The following CSMD2 variants were observed in gnomAD, a reference collection of about 807,000 sequenced individuals.
CSMD2 encodes CUB and Sushi multiple domains 2, also known as CUB and sushi domain-containing protein 2.
CSMD2 carries 130 observed loss-of-function variants against 398.5 expected under a neutral mutation model. The ratio of observed to expected loss-of-function variants is 0.33; its 90% CI spans 0.28 to 0.38. The LOEUF (loss-of-function observed/expected upper bound fraction) is 0.38, where lower values mean the gene tolerates loss of function less well. Ranked by LOEUF, CSMD2 falls within the 10% of genes least tolerant of loss-of-function variation. The pLI is 1.00. For synonymous variants in CSMD2, 1,828 were observed against 1,908.5 expected, an observed-to-expected ratio of 0.96 and a Z score of 1.10; for missense variants, 3,829 against 4,764.9, an observed-to-expected ratio of 0.80 and a Z score of 5.78.
rs557567306 is a variant in CSMD2, at chr1:33,828,521, G to C, written c.1034-2747C>G. On this transcript the variant is annotated intron_variant, in intron 6 of 70. Transcript: ENST00000373381. ...CATCGTCTCCTTGTCTCTGGCTCTAGTGTTGCTAGAGGAAGGGGAATGAGG... is the reference window on the plus strand; with the variant it reads ...CATCGTCTCCTTGTCTCTGGCTCTACTGTTGCTAGAGGAAGGGGAATGAGG... 2.0e-5 allele frequency among the ~76,000 whole-genome samples: 3 copies of C among 152,316 alleles called. No homozygotes were observed. The South Asian group carries it at 6.2e-4, about 32-fold the overall frequency.
Position 33,819,792 on chromosome 1 carries a change from C to G in CSMD2, c.1245G>C (p.Leu415=). 4 of 1,614,068 alleles carry G rather than the reference C, an allele frequency of 2.5e-6. No homozygotes were observed. In the South Asian group the frequency reaches 4.4e-5, roughly 18 times the overall value. Residue 415 remains leucine (L), a synonymous_variant, in exon 9 of 71, where the codon CTG becomes CTC. Transcript: ENST00000373381. ...VQFTCNEGYD[L]QGSKRITCMK... ...TACAGGTGATCCGCTTGGACCCTTG[C>G]AGGTCATAGCCCTCGTTGCAGGTGA...
At chr1:33,830,461 G>C (rs1217276362) in intron 6 of CSMD2, among the ~76,000 whole-genome samples, 2 of 152,226 alleles carry the variant, frequency 1.3e-5, no homozygotes, top group Non-Finnish European at 2.9e-5. Flanking sequence ...CTGTCTGTTA[G>C]AAGGAAAACT....
At chr1:33,869,404 T>C (rs576102849) in intron 5 of CSMD2, 1 of 152,198 alleles carries the variant, frequency 6.6e-6, no homozygotes. Context: ...CTCTGGGATA[T>C]GTTTTCTCAG....
intron 5 of CSMD2, among the ~76,000 whole-genome samples, chr1:33,872,460 T>C (rs1395557446): frequency 6.6e-6 from 1 of 152,128 alleles, no homozygotes; most frequent in Non-Finnish European, 1.5e-5. Flanking sequence ...TATTCAGTCA[T>C]ACAAAGGCCC....
intron 3 of CSMD2, among the ~76,000 whole-genome samples, chr1:34,013,127 G>A (rs1647592761): frequency 1.3e-5 from 2 of 152,204 alleles, no homozygotes; most frequent in Admixed American, 1.3e-4. Flanking sequence ...GGGAGCTGAG[G>A]GCAGTTCAGC....
At position 33,546,141 on chromosome 1, in the gene CSMD2, G is replaced by C. The variant is rs1319045660; in HGVS notation, c.8996C>G (p.Thr2999Ser). 3 of 1,614,220 alleles carry C rather than the reference G, an allele frequency of 1.9e-6. No individual in the cohort carries two copies. In the South Asian group the frequency reaches 3.3e-5, roughly 18 times the overall value. ...IRLGDSFDPG[T>S]VMRFSCEAGH... is the part of the protein sequence containing the mutation. ...AGCTTCACAGCTGAAGCGCATCACA[G>C]TGCCTGGATCAAAGCTGTCCCCCAA... Residue 2999 changes from threonine (T) to serine (S), a missense_variant, in exon 57 of 71, where the codon ACT (threonine) becomes AGT (serine). Thr to Ser is a moderately conservative substitution (Grantham distance 58). Around this residue, in one of 5 missense-constraint regions of CSMD2, gnomAD observed 917 missense variants for 1,199.5 expected, o/e 0.76. Transcript: ENST00000373381.
At chr1:33,783,225 T>G (rs531993218) in intron 12 of CSMD2, among the ~76,000 whole-genome samples, 1 of 151,996 alleles carries the variant, frequency 6.6e-6, no homozygotes, top group African/African-American at 2.4e-5. Flanking sequence ...ATGGCGAGCT[T>G]GGTTTTGGAT....
chr1:34,124,727 C>A (rs1460086528), intron 1 of CSMD2, among the ~76,000 whole-genome samples: 11 of 152,180 alleles, frequency 7.2e-5, no homozygotes, highest in African/African-American at 2.7e-4. Flanking sequence ...GTCAGGAACA[C>A]AACAGAACTG....
rs144423271 is a variant in CSMD2, at chr1:34,067,861, C to G, written c.404+21116G>C. 1.2e-4 allele frequency among the ~76,000 whole-genome samples: 18 copies of G among 152,298 alleles called. No homozygotes were observed. In the East Asian group the frequency reaches 3.3e-3, roughly 28 times the overall value. On this transcript the variant is annotated intron_variant, in intron 2 of 70. Coordinates refer to ENST00000373381, the MANE Select transcript of CSMD2 (RefSeq NM_001281956.2). ...CTGCACACGTACCTCCCTTCTGGCT[C>G]CCACTTACAATATGTGATGCAAGAA...
chr1:33,970,036 G>T (rs3738344), intron 3 of CSMD2, among the ~76,000 whole-genome samples: 7,816 of 151,656 alleles, frequency 0.052, 306 homozygotes, highest in East Asian at 0.18. Context: ...AACCTGGGAG[G>T]CGGAGGTTGC....
intron 56 of CSMD2, among the ~76,000 whole-genome samples, chr1:33,548,250 C>A (rs933954308): frequency 4.6e-5 from 7 of 152,274 alleles, no homozygotes; most frequent in Non-Finnish European, 2.9e-5. Flanking sequence ...GGTGTTCAGT[C>A]CTAGGGGCTT....
intron 20 of CSMD2, among the ~76,000 whole-genome samples, chr1:33,715,322 A>T (rs545418997): frequency 6.6e-6 from 1 of 152,134 alleles, no homozygotes; most frequent in South Asian, 2.1e-4. Context: ...ACGAGAAGCC[A>T]TGTCTCAGCT....
At position 33,918,091 on chromosome 1, in the gene CSMD2, T is replaced by C. The variant is rs1292054472; in HGVS notation, c.920+3A>G. ...TAGGAAAGGAAGGTGATGTTGTGCTTACCAGAGGGAGGAGCCTTCTGTCCC... is the reference window on the plus strand; with the variant it reads ...TAGGAAAGGAAGGTGATGTTGTGCTCACCAGAGGGAGGAGCCTTCTGTCCC... On this transcript the variant is annotated splice_donor_region_variant and intron_variant, in intron 5 of 70. Transcript: ENST00000373381. 6.2e-7 allele frequency: 1 copy of C among 1,613,128 alleles called. No individual in the cohort carries two copies. The highest frequency in any genetic ancestry group is 1.1e-5 in the South Asian group (1 of 91,056).
At position 33,613,354 on chromosome 1, in the gene CSMD2, T is replaced by C. The variant is rs529419562; in HGVS notation, c.6133+1150A>G. ...TATCATCTTGGTTCTGCCTCAAGACTGGATGCAGAGGTACAGGGTCTCCCA... is the reference window on the plus strand; with the variant it reads ...TATCATCTTGGTTCTGCCTCAAGACCGGATGCAGAGGTACAGGGTCTCCCA... On this transcript the variant is annotated intron_variant, in intron 40 of 70. Coordinates refer to ENST00000373381, the MANE Select transcript of CSMD2 (RefSeq NM_001281956.2). Among the ~76,000 whole-genome samples, 5 of 152,320 alleles carry C rather than the reference T, an allele frequency of 3.3e-5. No individual in the cohort carries two copies. The East Asian group carries it at 9.7e-4, about 29-fold the overall frequency.
In CSMD2 at chr1:33,624,020, C is replaced by T. The variant is rs1405379911; in HGVS notation, c.5625+499G>A. Among the ~76,000 whole-genome samples the T allele has an allele frequency of 1.3e-5, 2 of 152,208 alleles. No individual in the cohort carries two copies. Among genetic ancestry groups the T allele is most frequent in the African/African-American group, 4.8e-5 (2 of 41,444 alleles). On this transcript the variant is annotated intron_variant, in intron 35 of 70. Transcript: ENST00000373381. The surrounding 1 kb of genome is among the most constrained non-coding windows in gnomAD (Gnocchi z 4.7). ...TTCAGCTTCTACAGCTCATGCTGTG[C>T]GTGGTTCCCTAGGTGTGTGCCTGGG...
chr1:33,865,192 C>T (rs1468077467), intron 5 of CSMD2, among the ~76,000 whole-genome samples: 1 of 151,504 alleles, frequency 6.6e-6, no homozygotes, highest in Non-Finnish European at 1.5e-5. Flanking sequence ...CTCTGCTAAG[C>T]AGTGGCAGGA....
chr1:33,707,177 C>T (rs1645815792), intron 22 of CSMD2, among the ~76,000 whole-genome samples: 1 of 152,190 alleles, frequency 6.6e-6, no homozygotes, highest in Admixed American at 6.5e-5. Flanking sequence ...CTCCATATGA[C>T]CTCCAGCAAC....
At chr1:34,110,622 T>C (rs1003902323) in intron 1 of CSMD2, among the ~76,000 whole-genome samples, 1 of 152,050 alleles carries the variant, frequency 6.6e-6, no homozygotes, top group Non-Finnish European at 1.5e-5. Context: ...AACACAGGAA[T>C]AGAAAACCAA....
At chr1:33,606,898 G>A (rs1640651787) in intron 41 of CSMD2, among the ~76,000 whole-genome samples, 1 of 152,188 alleles carries the variant, frequency 6.6e-6, no homozygotes, top group African/African-American at 2.4e-5. Flanking sequence ...AAGCTTCAAA[G>A]GGAGAGGTTG....
Sources: allele counts gnomAD v4.1 joint callset (sites outside exome capture counted in the v4.1 genomes callset), GRCh38; gene constraint gnomAD v4.1.1; regional missense constraint gnomAD v4.1.1; non-coding constraint Gnocchi (gnomAD v3.1); transcripts MANE v1.5; gene names NCBI Gene and HGNC (gene_info 2026-07-23, HGNC 2026-07-21).